The following SIK3 variants were observed in gnomAD, a reference collection of about 807,000 sequenced individuals.
The protein encoded by SIK3 is serine/threonine-protein kinase SIK3.
Under a neutral mutation model 144.2 loss-of-function variants are expected in SIK3, and 28 were observed. That is an observed-to-expected ratio of 0.19 (90% CI 0.14 to 0.27). The LOEUF (loss-of-function observed/expected upper bound fraction) is 0.27. SIK3 is among the 10% of genes least tolerant of loss of function. SIK3 has a pLI of 1.00. For missense variants in SIK3, 1,319 were observed against 1,776.0 expected (o/e 0.74, Z 4.62); for synonymous variants, 686 against 676.3 (o/e 1.01, Z -0.22).
chr11:116,905,925 G>C (rs1473900148), intron 4 of SIK3, among the ~76,000 whole-genome samples: 2 of 152,170 alleles, frequency 1.3e-5, no homozygotes, highest in Non-Finnish European at 2.9e-5. Context: ...TTATCTTGAT[G>C]ATGTCCTTTG....
At chr11:116,938,597 GGAGGAGAGGA>G (rs1948101068) in intron 3 of SIK3, among the ~76,000 whole-genome samples, 3 of 23,050 alleles carry the variant, frequency 1.3e-4, no homozygotes, top group African/African-American at 5.9e-4. Context: ...AGAGGAGAGG[GGAGGAGAGGA>G]GAGGAGAGGG....
intron 1 of SIK3, among the ~76,000 whole-genome samples, chr11:117,072,904 G>T (rs561633277): frequency 2.0e-5 from 3 of 152,344 alleles, no homozygotes; most frequent in Non-Finnish European, 4.4e-5. Flanking sequence ...ATTGAGGCCA[G>T]TAAAGTCTAG....
chr11:116,896,742 T>G (rs894900823), intron 5 of SIK3, among the ~76,000 whole-genome samples: 1 of 152,134 alleles, frequency 6.6e-6, no homozygotes, highest in African/African-American at 2.4e-5. Context: ...TTTGCACGAG[T>G]AGGCCGGGTG....
intron 1 of SIK3, among the ~76,000 whole-genome samples, chr11:117,067,112 T>G (rs1289303733): frequency 6.6e-6 from 1 of 152,184 alleles, no homozygotes; most frequent in Admixed American, 6.5e-5. Flanking sequence ...GGAAGACAAT[T>G]TGGCAGTTTC....
At chr11:116,897,883 C>CA (rs201462698) in intron 4 of SIK3, among the ~76,000 whole-genome samples, 228 of 137,142 alleles carry the variant, frequency 1.7e-3, no homozygotes, top group African/African-American at 4.4e-3. Flanking sequence ...ACTCCGTCTC[C>CA]AAAAAAAAAA....
intron 1 of SIK3, among the ~76,000 whole-genome samples, chr11:117,063,749 T>C (rs1953901584): frequency 6.6e-6 from 1 of 152,024 alleles, no homozygotes; most frequent in Admixed American, 6.6e-5. Flanking sequence ...TTTGTATTTT[T>C]AGTAGAGACG....
chr11:116,989,011 T>A, intron 1 of SIK3, among the ~76,000 whole-genome samples: 1 of 151,876 alleles, frequency 6.6e-6, no homozygotes, highest in Non-Finnish European at 1.5e-5. Context: ...CTCTAGTCTG[T>A]CTCCCAAATA....
intron 1 of SIK3, among the ~76,000 whole-genome samples, chr11:117,002,154 T>C (rs1230878886): frequency 6.6e-6 from 1 of 152,260 alleles, no homozygotes; most frequent in Non-Finnish European, 1.5e-5. Flanking sequence ...GTTTGCCATT[T>C]GAACATTGTA....
At chr11:116,965,734 AATATATATATATATATATATATAT>A (rs58587995) in intron 1 of SIK3, among the ~76,000 whole-genome samples, 57,919 of 117,896 alleles carry the variant, frequency 0.49, 15,671 homozygotes, top group Non-Finnish European at 0.59. Context: ...TCTCTGCTAA[AATATATATATATATATATATATAT>A]ATATATATAT....
chr11:116,873,060 G>A (rs1373142987), intron 13 of SIK3, among the ~76,000 whole-genome samples: 1 of 152,214 alleles, frequency 6.6e-6, no homozygotes, highest in Non-Finnish European at 1.5e-5. Context: ...TTTATCAATG[G>A]AGAAAGCATT....
At chr11:117,068,030 G>T (rs1954094674) in intron 1 of SIK3, among the ~76,000 whole-genome samples, 1 of 151,884 alleles carries the variant, frequency 6.6e-6, no homozygotes, top group Non-Finnish European at 1.5e-5. Context: ...ATTAATTCTG[G>T]TCCCTGAATA....
At chr11:116,976,065 T>C (rs934963414) in intron 1 of SIK3, among the ~76,000 whole-genome samples, 2 of 152,216 alleles carry the variant, frequency 1.3e-5, no homozygotes, top group Non-Finnish European at 2.9e-5. Context: ...TATTAGACTT[T>C]TTACTATTGA....
chr11:116,895,512 T>C (rs1161342310), intron 6 of SIK3, among the ~76,000 whole-genome samples: 1 of 152,248 alleles, frequency 6.6e-6, no homozygotes, highest in Non-Finnish European at 1.5e-5. Context: ...CATGGGCTTC[T>C]ACCTTGTTGT....
At chr11:116,916,275 A>G (rs1946627137) in intron 4 of SIK3, among the ~76,000 whole-genome samples, 1 of 152,170 alleles carries the variant, frequency 6.6e-6, no homozygotes, top group South Asian at 2.1e-4. Context: ...ACCCATGCCT[A>G]CCACTAGCAA....
At chr11:116,881,372 T>C (rs951490025) in intron 6 of SIK3, among the ~76,000 whole-genome samples, 3 of 152,090 alleles carry the variant, frequency 2.0e-5, no homozygotes, top group Non-Finnish European at 4.4e-5. Flanking sequence ...AAACCTGATC[T>C]GCCAACAGAA....
intron 21 of SIK3, among the ~76,000 whole-genome samples, chr11:116,855,115 G>GT (rs375962213): frequency 1.7e-5 from 2 of 119,932 alleles, no homozygotes; most frequent in Non-Finnish European, 1.6e-5. Context: ...AAAAACTTGA[G>GT]TTTTTTTCAC....
rs764166854 is a variant in SIK3, at chr11:116,858,146, G to A, written c.3319C>T (p.Pro1107Ser). ...NADSYHHHTSPQHLLQIRAQE... is the reference protein window; with the variant it reads ...NADSYHHHTSSQHLLQIRAQE... ...GCCCTGATTTGTAGCAGATGCTGGG[G>A]GCTGGTGTGATGGTGATAAGAGTCA... The change falls in exon 21 of 25, where the codon CCC (proline) becomes TCC (serine). Residue 1107 changes from proline to serine, a missense_variant. Physicochemically the swap from Pro to Ser is moderately conservative, Grantham distance 74. Coordinates refer to ENST00000445177, the MANE Select transcript of SIK3 (RefSeq NM_001366686.3). This position sits in a 1 kb window ranked among gnomAD's most constrained non-coding sequence, Gnocchi z 5.4. 1.0e-4 allele frequency: 164 copies of A among 1,614,074 alleles called. No homozygotes were observed. The highest frequency in any genetic ancestry group is 1.3e-4 in the Non-Finnish European group (156 of 1,180,040).
At chr11:116,980,592 C>A (rs1485873775) in intron 1 of SIK3, among the ~76,000 whole-genome samples, 1 of 152,188 alleles carries the variant, frequency 6.6e-6, no homozygotes, top group African/African-American at 2.4e-5. Context: ...GTGGCTCATG[C>A]CTATAATGCC....
At chr11:116,916,912 C>T (rs1343776565) in intron 4 of SIK3, among the ~76,000 whole-genome samples, 4 of 151,858 alleles carry the variant, frequency 2.6e-5, no homozygotes, top group African/African-American at 4.8e-5. Context: ...CAAGACCAAA[C>T]TAGGCGACAG....
Sources: gnomAD v4.1 joint callset for allele counts (sites outside exome capture counted in the v4.1 genomes callset) on GRCh38, gnomAD v4.1.1 for gene constraint, Gnocchi (gnomAD v3.1) non-coding constraint, MANE v1.5 for transcripts, NCBI Gene and HGNC (gene_info 2026-07-23, HGNC 2026-07-21) for gene names.